The following NTM variants were observed in gnomAD, a reference collection of about 807,000 sequenced individuals.
The protein encoded by NTM is IgLON family member 2.
Under a neutral mutation model 42.1 loss-of-function variants are expected in NTM, and 13 were observed. The ratio of observed to expected loss-of-function variants is 0.31; its 90% CI spans 0.20 to 0.49. The LOEUF (loss-of-function observed/expected upper bound fraction) is 0.49. Among genes scored for constraint, NTM ranks in the 20% least tolerant of loss-of-function variants. The probability of loss-of-function intolerance (pLI) is 0.99; values close to 1 mark genes in which losing one functional copy is unlikely to be tolerated. For missense variants in NTM, 373 were observed against 452.8 expected, an observed-to-expected ratio of 0.82 and a Z score of 1.60; for synonymous variants, 187 against 179.2, an observed-to-expected ratio of 1.04 and a Z score of -0.35.
At chr11:132,087,129 C>G (rs1197860253) in intron 2 of NTM, among the ~76,000 whole-genome samples, 1 of 152,074 alleles carries the variant, frequency 6.6e-6, no homozygotes, top group Non-Finnish European at 1.5e-5. Context: ...AAAAAAACGT[C>G]CTTTTTCCTT....
intron 2 of NTM, among the ~76,000 whole-genome samples, chr11:131,934,935 A>C (rs1354817505): frequency 1.3e-5 from 2 of 152,192 alleles, no homozygotes; most frequent in Non-Finnish European, 2.9e-5. Flanking sequence ...TGGAGCAGTG[A>C]CATGCTCCGA....
At chr11:131,496,508 T>A (rs1955359725) in intron 1 of NTM, among the ~76,000 whole-genome samples, 2 of 152,162 alleles carry the variant, frequency 1.3e-5, no homozygotes, top group Non-Finnish European at 2.9e-5. Flanking sequence ...CGCAGCCAAA[T>A]GTAAAGGCCA....
At chr11:131,990,719 G>A (rs2066866452) in intron 2 of NTM, among the ~76,000 whole-genome samples, 1 of 152,154 alleles carries the variant, frequency 6.6e-6, no homozygotes, top group South Asian at 2.1e-4. Flanking sequence ...CAGATACACA[G>A]TTTTTATAAA....
At chr11:131,788,812 A>C (rs1340212659) in intron 1 of NTM, among the ~76,000 whole-genome samples, 1 of 152,140 alleles carries the variant, frequency 6.6e-6, no homozygotes, top group African/African-American at 2.4e-5. Flanking sequence ...GGCAGCATTT[A>C]GACTTTTTTG....
intron 7 of NTM, among the ~76,000 whole-genome samples, chr11:132,321,296 G>A (rs977385767): frequency 2.6e-5 from 4 of 152,242 alleles, no homozygotes; most frequent in East Asian, 1.9e-4. Context: ...TTAGAAGCAT[G>A]TATAACTAGA....
chr11:131,520,749 TAAAAGAA>T (rs569280630), intron 1 of NTM, among the ~76,000 whole-genome samples: 122 of 110,390 alleles, frequency 1.1e-3, no homozygotes, highest in African/African-American at 6.9e-3. Flanking sequence ...ACACTACCCT[TAAAAGAA>T]AAAAAAAAAT....
At chr11:131,555,659 G>A (rs114020536) in intron 1 of NTM, among the ~76,000 whole-genome samples, 6,635 of 152,278 alleles carry the variant, frequency 0.044, 160 homozygotes, top group Middle Eastern at 0.099. Context: ...TCAGTTATCA[G>A]CTTTGATTTT....
Position 132,029,938 on chromosome 11 carries a change from A to C in NTM, c.168-116344A>C, listed in dbSNP as rs143579756. ...GCATCAGCAGTGTTCCACATGAATG[A>C]ATTTGTCATATAACTAAGCTATCAT... On this transcript the variant is annotated intron_variant, in intron 2 of 8. Transcript: ENST00000683400. Among the ~76,000 whole-genome samples, 480 of 152,338 alleles carry C rather than the reference A, an allele frequency of 3.2e-3. 2 individuals carry two copies. Among genetic ancestry groups the C allele is most frequent in the African/African-American group, 0.011 (463 of 41,572 alleles).
intron 1 of NTM, among the ~76,000 whole-genome samples, chr11:131,686,296 G>C (rs557089628): frequency 4.2e-4 from 64 of 152,320 alleles, no homozygotes; most frequent in African/African-American, 1.3e-3. Context: ...ATAATTTACT[G>C]TTGCCCAGAA....
At chr11:132,069,324 T>C (rs2057041850) in intron 2 of NTM, among the ~76,000 whole-genome samples, 4 of 149,174 alleles carry the variant, frequency 2.7e-5, no homozygotes, top group Admixed American at 2.7e-4. Context: ...CACAGGTTAG[T>C]TAACACGTCA....
chr11:131,624,904 A>G (rs972857518), intron 1 of NTM, among the ~76,000 whole-genome samples: 1 of 152,224 alleles, frequency 6.6e-6, no homozygotes, highest in Admixed American at 6.5e-5. Flanking sequence ...CACAGAGCAT[A>G]CAGTTTAGTT....
At chr11:131,653,418 G>A (rs1362113900) in intron 1 of NTM, among the ~76,000 whole-genome samples, 3 of 152,304 alleles carry the variant, frequency 2.0e-5, no homozygotes, top group African/African-American at 2.4e-5. Context: ...CTGCAGCTGC[G>A]GAAGAAATCT....
At chr11:132,018,890 T>G (rs918008672) in intron 2 of NTM, among the ~76,000 whole-genome samples, 2 of 152,034 alleles carry the variant, frequency 1.3e-5, no homozygotes, top group African/African-American at 4.8e-5. Flanking sequence ...ATTTAAATGC[T>G]TGATTTAGTT....
chr11:132,188,928 G>A (rs556640460), intron 3 of NTM, among the ~76,000 whole-genome samples: 10 of 152,274 alleles, frequency 6.6e-5, no homozygotes, highest in South Asian at 2.1e-4. Flanking sequence ...CTAGAAATGC[G>A]CACACATGAG....
At chr11:131,388,570 G>A (rs1943608020) in intron 1 of NTM, among the ~76,000 whole-genome samples, 2 of 151,956 alleles carry the variant, frequency 1.3e-5, no homozygotes, top group East Asian at 1.9e-4. Context: ...AGGTAGAAGT[G>A]GGTTTTAATG....
At chr11:131,803,553 G>T (rs563497373) in intron 1 of NTM, among the ~76,000 whole-genome samples, 1 of 152,114 alleles carries the variant, frequency 6.6e-6, no homozygotes, top group Non-Finnish European at 1.5e-5. Flanking sequence ...CAAGCAATCC[G>T]CCCACGTTGG....
chr11:131,548,479 CAG>C (rs1372423889), intron 1 of NTM, among the ~76,000 whole-genome samples: 3 of 152,076 alleles, frequency 2.0e-5, no homozygotes, highest in African/African-American at 7.2e-5. Context: ...CCCAGAGACT[CAG>C]AGCTATATAA....
chr11:132,180,993 A>G (rs1294082480), intron 3 of NTM, among the ~76,000 whole-genome samples: 2 of 152,226 alleles, frequency 1.3e-5, no homozygotes, highest in African/African-American at 4.8e-5. Flanking sequence ...TATGTATTTA[A>G]CTTAAGGATC....
At chr11:131,610,685 G>A (rs781591356) in intron 1 of NTM, among the ~76,000 whole-genome samples, 4 of 152,168 alleles carry the variant, frequency 2.6e-5, no homozygotes, top group Non-Finnish European at 5.9e-5. Context: ...TGGAGCACCC[G>A]CAGATCGATA....
Sources: gnomAD v4.1 joint callset for allele counts (sites outside exome capture counted in the v4.1 genomes callset) on GRCh38, gnomAD v4.1.1 for gene constraint, MANE v1.5 for transcripts, NCBI Gene and HGNC (gene_info 2026-07-23, HGNC 2026-07-21) for gene names.